The following NREP variants were observed in gnomAD, a reference collection of about 807,000 sequenced individuals.
NREP encodes neuronal regeneration related protein.
Under a neutral mutation model 8.6 loss-of-function variants are expected in NREP, and 5 were observed. That is an observed-to-expected ratio of 0.58 (90% CI 0.30 to 1.22). The LOEUF is 1.22. Ranked by LOEUF, NREP falls within the 50% of genes most tolerant of loss-of-function variation. NREP has a pLI of 0.07. For missense variants in NREP, 86 were observed against 82.5 expected (o/e 1.04, Z -0.17); for synonymous variants, 27 against 28.0 (o/e 0.96, Z 0.11).
exon 2 of NREP, chr5:111,975,307 G>T: frequency 6.4e-7 from 1 of 1,551,570 alleles, no homozygotes; most frequent in Non-Finnish European, 8.7e-7. Context: ...AGTGAACCTG[G>T]AAACATTTGG....
chr5:111,969,922 G>A (rs1480548790), intron 2 of NREP, among the ~76,000 whole-genome samples: 2 of 152,178 alleles, frequency 1.3e-5, no homozygotes, highest in African/African-American at 4.8e-5. Flanking sequence ...CAAGAATTGT[G>A]GAGCAAAACT....
At chr5:111,943,477 T>G (rs1403234981) in intron 2 of NREP, among the ~76,000 whole-genome samples, 1 of 152,050 alleles carries the variant, frequency 6.6e-6, no homozygotes, top group African/African-American at 2.4e-5. Context: ...AACCTATATC[T>G]CTAGCTTGAA....
intron 2 of NREP, among the ~76,000 whole-genome samples, chr5:111,807,036 T>G (rs1366666100): frequency 6.6e-6 from 1 of 152,142 alleles, no homozygotes; most frequent in Non-Finnish European, 1.5e-5. Flanking sequence ...TTGGAAAGTC[T>G]ATTTTAAAAA....
intron 2 of NREP, among the ~76,000 whole-genome samples, chr5:111,826,329 G>A (rs1007153779): frequency 4.6e-5 from 7 of 152,284 alleles, no homozygotes; most frequent in East Asian, 1.9e-4. Flanking sequence ...CAGGCCACGC[G>A]TCACCACTGG....
intron 2 of NREP, among the ~76,000 whole-genome samples, chr5:111,788,588 G>T (rs1751669301): frequency 1.3e-5 from 2 of 152,210 alleles, no homozygotes; most frequent in African/African-American, 2.4e-5. Context: ...AAGCCAGGGA[G>T]ACAGCCAGGC....
At chr5:111,873,955 T>G (rs1753847177) in intron 2 of NREP, among the ~76,000 whole-genome samples, 1 of 151,864 alleles carries the variant, frequency 6.6e-6, no homozygotes, top group Non-Finnish European at 1.5e-5. Context: ...GTAGTCAGAG[T>G]CTCAGGTGGA....
At chr5:111,941,335 A>G (rs1437659301) in intron 2 of NREP, among the ~76,000 whole-genome samples, 2 of 152,112 alleles carry the variant, frequency 1.3e-5, no homozygotes, top group Non-Finnish European at 2.9e-5. Context: ...AAAGTACCAC[A>G]GACTGAGTGG....
chr5:111,917,631 A>G (rs537596876), intron 2 of NREP, among the ~76,000 whole-genome samples: 14 of 152,352 alleles, frequency 9.2e-5, no homozygotes, highest in African/African-American at 3.4e-4. Flanking sequence ...CCATAGATGC[A>G]GAAAAGGCCT....
At chr5:111,847,727 T>C (rs1323722496) in intron 2 of NREP, among the ~76,000 whole-genome samples, 1 of 152,146 alleles carries the variant, frequency 6.6e-6, no homozygotes, top group Non-Finnish European at 1.5e-5. Context: ...ATGTGAGACC[T>C]GGGCCAAATG....
At chr5:111,901,852 T>C (rs1272117624) in intron 2 of NREP, among the ~76,000 whole-genome samples, 1 of 152,174 alleles carries the variant, frequency 6.6e-6, no homozygotes, top group Non-Finnish European at 1.5e-5. Context: ...GAAGAATTAA[T>C]GTTGTTAAAA....
At chr5:111,820,522 C>A (rs1383000284) in intron 2 of NREP, among the ~76,000 whole-genome samples, 6 of 151,424 alleles carry the variant, frequency 4.0e-5, no homozygotes, top group African/African-American at 1.5e-4. Flanking sequence ...ATAATGATAA[C>A]CTCTGGGGAG....
At chr5:111,973,335 T>C (rs929378738) in intron 2 of NREP, among the ~76,000 whole-genome samples, 2 of 152,198 alleles carry the variant, frequency 1.3e-5, no homozygotes, top group African/African-American at 4.8e-5. Context: ...TGCTGAGCTA[T>C]CTCTTATCCA....
chr5:111,812,640 T>A (rs1387707314), intron 2 of NREP, among the ~76,000 whole-genome samples: 2 of 152,280 alleles, frequency 1.3e-5, no homozygotes, highest in Admixed American at 6.5e-5. Context: ...CTCTAAAAAG[T>A]CACACCAATA....
At chr5:111,889,162 A>G (rs138878770) in intron 2 of NREP, among the ~76,000 whole-genome samples, 1 of 152,370 alleles carries the variant, frequency 6.6e-6, no homozygotes, top group East Asian at 1.9e-4. Context: ...TGCAGGCTGT[A>G]CAGAAAGCAT....
At chr5:111,816,229 G>A (rs1269757740) in intron 2 of NREP, among the ~76,000 whole-genome samples, 10 of 152,172 alleles carry the variant, frequency 6.6e-5, no homozygotes, top group African/African-American at 2.4e-4. Flanking sequence ...TGAATGCTTT[G>A]CCAAGAGGCC....
chr5:111,841,606 G>A lies in NREP; in HGVS notation c.136-106099C>T, dbSNP rs143951922. Among the ~76,000 whole-genome samples, 14 of 152,180 alleles carry A rather than the reference G, an allele frequency of 9.2e-5. 1 individual carries two copies. In the East Asian group the frequency reaches 2.7e-3, roughly 29 times the overall value. On this transcript the variant is annotated intron_variant, in intron 2 of 3. Coordinates refer to the NREP transcript ENST00000395634. The stretch of plus-strand genomic sequence containing the variant: ...GACAGGGACTTAATTTTTTTAAAAA[G>A]CCTTAAATTCTGGTGGTAGGGGTGT...
rs1158723508 is a variant in NREP, at chr5:111,764,906, G to C, written c.136-29399C>G. Among the ~76,000 whole-genome samples the C allele has an allele frequency of 2.6e-5, 4 of 152,106 alleles. No homozygotes were observed. The East Asian group carries it at 7.7e-4, about 29-fold the overall frequency. ...ATATGTTTGTTGCACTTTCTAACTT[G>C]TAAAAATATTTCAGTATGTATCTCA... is the stretch of plus-strand genomic sequence containing the variant. On this transcript the variant is annotated intron_variant, in intron 2 of 3. Coordinates refer to the NREP transcript ENST00000395634.
chr5:111,917,298 C>T (rs1212158253), intron 2 of NREP, among the ~76,000 whole-genome samples: 2 of 152,118 alleles, frequency 1.3e-5, no homozygotes, highest in African/African-American at 2.4e-5. Flanking sequence ...TAGCTGGTAC[C>T]ATTCTTTCTG....
intron 2 of NREP, among the ~76,000 whole-genome samples, chr5:111,765,984 A>C (rs55662695): frequency 6.7e-6 from 1 of 149,852 alleles, no homozygotes; most frequent in Non-Finnish European, 1.5e-5. Context: ...CAGTTACTCC[A>C]CCACATACTG....
Sources: gnomAD v4.1 joint callset for allele counts (sites outside exome capture counted in the v4.1 genomes callset) on GRCh38, gnomAD v4.1.1 for gene constraint, MANE v1.5 for transcripts, NCBI Gene and HGNC (gene_info 2026-07-23, HGNC 2026-07-21) for gene names.